Variants in KITLG observed in about 807,000 individuals in gnomAD.
The protein encoded by KITLG is KIT ligand, also known as c-Kit ligand.
In KITLG, 13 loss-of-function variants were observed where a neutral mutation model predicts 34.1. The observed-to-expected ratio is 0.38, with a 90% CI of 0.25 to 0.61. KITLG has a LOEUF of 0.61. Ranked by LOEUF, KITLG falls within the 20% of genes least tolerant of loss-of-function variation. The probability of loss-of-function intolerance (pLI) is 0.60; values close to 1 mark genes in which losing one functional copy is unlikely to be tolerated. For missense variants in KITLG, 292 were observed against 318.9 expected, an observed-to-expected ratio of 0.92 and a Z score of 0.64; for synonymous variants, 110 against 104.0, an observed-to-expected ratio of 1.06 and a Z score of -0.35.
chr12:88,573,089 C>A (rs186745572), intron 1 of KITLG, among the ~76,000 whole-genome samples: 33 of 152,284 alleles, frequency 2.2e-4, no homozygotes, highest in Admixed American at 1.7e-3. Context: ...TGATGTATGA[C>A]TGCTGAGGTC....
At chr12:88,526,664 AG>A (rs1378454439) in intron 3 of KITLG, among the ~76,000 whole-genome samples, 1 of 152,168 alleles carries the variant, frequency 6.6e-6, no homozygotes, top group Admixed American at 6.5e-5. Context: ...CGATGAGAAG[AG>A]TTTCCAGTAG....
rs755454328 is a variant in KITLG, at chr12:88,516,296, T to G, written c.520+38A>C. On this transcript the variant is annotated intron_variant, in intron 5 of 9. Transcript: ENST00000644744. ...ACTACATAGGGAAGATTTAAGTTTG[T>G]TGTTTACATTTGAACTGGAAATGCT... 3.8e-6 allele frequency: 6 copies of G among 1,579,086 alleles called. No homozygotes were observed. In the East Asian group the frequency reaches 1.3e-4, roughly 35 times the overall value.
At chr12:88,532,228 C>A (rs1188164395) in intron 3 of KITLG, among the ~76,000 whole-genome samples, 1 of 151,660 alleles carries the variant, frequency 6.6e-6, no homozygotes, top group Admixed American at 6.6e-5. Flanking sequence ...CTATACAGGT[C>A]TAGGATATAT....
intron 3 of KITLG, 83 bp from the exon 4 acceptor site, chr12:88,518,950 T>C: frequency 8.2e-7 from 1 of 1,224,830 alleles, no homozygotes; most frequent in Admixed American, 1.9e-5. Context: ...AAAGCTATCG[T>C]TTTAGTTACT....
chr12:88,550,608 G>A (rs867884839), intron 1 of KITLG, among the ~76,000 whole-genome samples: 5 of 152,224 alleles, frequency 3.3e-5, no homozygotes, highest in Middle Eastern at 3.4e-3. Context: ...TTTTAAAGAT[G>A]AAGGAGTTGA....
At chr12:88,499,391 C>T (rs1272686123) in intron 9 of KITLG, among the ~76,000 whole-genome samples, 2 of 152,098 alleles carry the variant, frequency 1.3e-5, no homozygotes, top group Admixed American at 1.3e-4. Flanking sequence ...TTATTTTCTT[C>T]CCCCTTAGCT....
At chr12:88,557,791 C>T (rs1871147568) in intron 1 of KITLG, among the ~76,000 whole-genome samples, 1 of 152,036 alleles carries the variant, frequency 6.6e-6, no homozygotes, top group Admixed American at 6.6e-5. Flanking sequence ...GCATCTTCAG[C>T]ACTCCATGGA....
At chr12:88,528,062 A>G (rs1176432285) in intron 3 of KITLG, among the ~76,000 whole-genome samples, 1 of 152,202 alleles carries the variant, frequency 6.6e-6, no homozygotes. Flanking sequence ...GGAGGTCAGA[A>G]GTTTAAAATA....
chr12:88,543,185 A>G (rs1870582982), intron 2 of KITLG, among the ~76,000 whole-genome samples: 1 of 152,134 alleles, frequency 6.6e-6, no homozygotes, highest in Admixed American at 6.5e-5. Context: ...ATAGGTATAC[A>G]TGTATCATGT....
intron 9 of KITLG, among the ~76,000 whole-genome samples, chr12:88,504,712 C>T (rs1024233239): frequency 6.6e-6 from 1 of 152,110 alleles, no homozygotes; most frequent in African/African-American, 2.4e-5. Flanking sequence ...GTGGTGATTC[C>T]TCAGGGATCT....
chr12:88,497,297 G>A lies in KITLG; in HGVS notation c.*38-116C>T, dbSNP rs117375629. 220 of 244,934 alleles carry A rather than the reference G, an allele frequency of 9.0e-4. 3 individuals are homozygous for A. Among genetic ancestry groups the A allele is most frequent in the East Asian group, 8.8e-3 (71 of 8,102 alleles). The allele number at this position is 244,934 out of a possible 1,614,324, so 15.2% of individuals were successfully genotyped here. ...AATGAGTAACAAATTTGCAATGTAT[G>A]CTTCACTTATATAGCAGAAAAGAAC... On this transcript the variant is annotated intron_variant, in intron 9 of 9. Transcript: ENST00000644744.
chr12:88,515,443 T>C, intron 6 of KITLG, 91 bp downstream of exon 6: 1 of 779,290 alleles, frequency 1.3e-6, no homozygotes, highest in Non-Finnish European at 2.3e-6. Flanking sequence ...TCAATAATAA[T>C]AAATGTAGAA....
At chr12:88,498,759 C>T (rs1175551194) in intron 9 of KITLG, among the ~76,000 whole-genome samples, 1 of 152,056 alleles carries the variant, frequency 6.6e-6, no homozygotes, top group South Asian at 2.1e-4. Context: ...TCTGTAGTCC[C>T]AGCTACTCTG....
rs903476286 is a variant in KITLG, at chr12:88,580,376, A to G, written c.-98T>C. On this transcript the variant is annotated 5_prime_UTR_variant, in exon 1 of 10. Coordinates refer to ENST00000644744, the MANE Select transcript of KITLG (RefSeq NM_000899.5). ...CATATTGCACGAACAGCGGCGGCAG[A>G]TAGTCCACGCATTGGGTAGCCCGAG... 37 of 1,401,480 alleles carry G rather than the reference A, an allele frequency of 2.6e-5. No homozygotes were observed. Among genetic ancestry groups the G allele is most frequent in the Non-Finnish European group, 3.6e-5 (36 of 1,004,212 alleles). 86.8% of individuals were successfully genotyped at this position (1,401,480 alleles called of 1,614,324 possible). A position where few individuals can be genotyped will look rare whatever the true frequency, so the allele number is the denominator to read the frequency against.
At chr12:88,553,397 C>G (rs1359522545) in intron 1 of KITLG, among the ~76,000 whole-genome samples, 1 of 152,138 alleles carries the variant, frequency 6.6e-6, no homozygotes, top group African/African-American at 2.4e-5. Context: ...GTGTTTGTGA[C>G]TTCTGCTCTA....
Position 88,509,051 on chromosome 12 carries a change from T to C in KITLG, c.605-1914A>G, listed in dbSNP as rs79315414. On this transcript the variant is annotated intron_variant, in intron 6 of 9. Coordinates refer to ENST00000644744, the MANE Select transcript of KITLG (RefSeq NM_000899.5). ...AATCTGCTGTGGCCCCCATTATCTA[T>C]TGGGATTGCTGGTATGTAATTACAA... Among the ~76,000 whole-genome samples the C allele has an allele frequency of 6.2e-3, 944 of 152,290 alleles. 10 individuals carry two copies. The highest frequency in any genetic ancestry group is 0.021 in the African/African-American group (891 of 41,552).
At chr12:88,504,481 A>G (rs1326219409) in intron 9 of KITLG, among the ~76,000 whole-genome samples, 2 of 152,214 alleles carry the variant, frequency 1.3e-5, no homozygotes, top group African/African-American at 2.4e-5. Flanking sequence ...TCAAAAGAAG[A>G]TATTTATGCA....
At chr12:88,570,412 G>A (rs1871606992) in intron 1 of KITLG, among the ~76,000 whole-genome samples, 1 of 152,068 alleles carries the variant, frequency 6.6e-6, no homozygotes, top group East Asian at 1.9e-4. Flanking sequence ...ACTGAGGAGT[G>A]TGGGGTCAGA....
intron 3 of KITLG, among the ~76,000 whole-genome samples, chr12:88,523,768 C>T (rs1869767090): frequency 6.6e-6 from 1 of 151,956 alleles, no homozygotes; most frequent in Non-Finnish European, 1.5e-5. Flanking sequence ...ATCTTAACTT[C>T]TCTTTGGATT....
Sources: gnomAD v4.1 joint callset for allele counts (sites outside exome capture counted in the v4.1 genomes callset) on GRCh38, gnomAD v4.1.1 for gene constraint, MANE v1.5 for transcripts, NCBI Gene and HGNC (gene_info 2026-07-23, HGNC 2026-07-21) for gene names.